The following MRTFB variants were observed in gnomAD, a reference collection of about 807,000 sequenced individuals.
MRTFB encodes the protein myocardin related transcription factor B.
In MRTFB, 29 loss-of-function variants were observed where a neutral mutation model predicts 104.2. The ratio of observed to expected loss-of-function variants is 0.28; its 90% CI spans 0.21 to 0.38. MRTFB has a LOEUF of 0.38. MRTFB is among the 10% of genes least tolerant of loss of function. The probability of loss-of-function intolerance (pLI) is 1.00; values close to 1 mark genes in which losing one functional copy is unlikely to be tolerated. For synonymous variants in MRTFB, 535 were observed against 519.5 expected (o/e 1.03, Z -0.41); for missense variants, 1,270 against 1,341.6 (o/e 0.95, Z 0.83).
intron 8 of MRTFB, among the ~76,000 whole-genome samples, chr16:14,232,109 T>TAC: frequency 6.6e-6 from 1 of 152,342 alleles, no homozygotes; most frequent in Non-Finnish European, 1.5e-5. Context: ...GATTAACACT[T>TAC]ACTGCTCTCA....
In MRTFB at chr16:14,240,425, G is replaced by A; in HGVS notation, c.1020G>A (p.Gln340=). 6.2e-7 allele frequency: 1 copy of A among 1,614,246 alleles called. No homozygotes were observed. Among genetic ancestry groups the A allele is most frequent in the South Asian group, 1.1e-5 (1 of 91,082 alleles). The change falls in exon 10 of 17, where the codon CAG becomes CAA. Residue 340 remains glutamine (Q), a synonymous_variant. Coordinates refer to ENST00000571589, the MANE Select transcript of MRTFB (RefSeq NM_001308142.2). ...LQQQQLFLQL[Q]ILSQQKQHYN... ...AGCAGCAGCTGTTCCTGCAACTGCA[G>A]ATCCTGAGTCAGCAGAAGCAGCACT...
At chr16:14,030,113 G>A in the MRTFB span, among the ~76,000 whole-genome samples, 16 of 152,118 alleles carry the variant, frequency 1.1e-4, no homozygotes, top group African/African-American at 2.9e-4. Flanking sequence ...TGCTGTCTTC[G>A]CAGGGCCTGT....
chr16:14,031,148 T>G, the MRTFB span, among the ~76,000 whole-genome samples: 1 of 152,114 alleles, frequency 6.6e-6, no homozygotes, highest in African/African-American at 2.4e-5. Flanking sequence ...TCCCAGCACT[T>G]TGGATGGCCA....
the MRTFB span, among the ~76,000 whole-genome samples, chr16:14,051,959 C>T: frequency 6.6e-6 from 1 of 152,154 alleles, no homozygotes. Context: ...CGTGAATGTG[C>T]TCTGCTGAGA....
chr16:14,185,676 G>GA (rs549782681), intron 3 of MRTFB, among the ~76,000 whole-genome samples: 2,539 of 135,242 alleles, frequency 0.019, 25 homozygotes, highest in African/African-American at 0.033. Flanking sequence ...AAGTTATTTT[G>GA]AAAAAAAAAA....
intron 16 of MRTFB, among the ~76,000 whole-genome samples, chr16:14,258,478 C>A (rs886874686): frequency 2.6e-5 from 4 of 152,098 alleles, no homozygotes; most frequent in African/African-American, 9.7e-5. Context: ...CCCCTGGGGT[C>A]CCAGCTACTA....
the MRTFB span, among the ~76,000 whole-genome samples, chr16:14,035,782 A>G: frequency 0.13 from 19,353 of 151,992 alleles, 1,373 homozygotes; most frequent in East Asian, 0.34. Flanking sequence ...ATGAGTAACC[A>G]AAGTTCTTTA....
intron 3 of MRTFB, among the ~76,000 whole-genome samples, chr16:14,183,341 T>G (rs1327699642): frequency 6.6e-6 from 1 of 152,100 alleles, no homozygotes; most frequent in African/African-American, 2.4e-5. Context: ...GAAGAAAGAC[T>G]GAGAGAATGT....
chr16:14,252,536 A>G (rs367688766), intron 15 of MRTFB, 34 bp downstream of exon 15: 19 of 1,612,214 alleles, frequency 1.2e-5, no homozygotes, highest in Non-Finnish European at 1.4e-5. Flanking sequence ...GCATAAGGCT[A>G]TGGTGGATGT....
At chr16:14,169,539 A>G (rs2039355997) in intron 3 of MRTFB, among the ~76,000 whole-genome samples, 1 of 152,168 alleles carries the variant, frequency 6.6e-6, no homozygotes, top group South Asian at 2.1e-4. Context: ...ATGTTTTACA[A>G]ATATATTCTC....
At chr16:14,227,254 T>G (rs1324570754) in intron 8 of MRTFB, among the ~76,000 whole-genome samples, 1 of 151,468 alleles carries the variant, frequency 6.6e-6, no homozygotes, top group Non-Finnish European at 1.5e-5. Flanking sequence ...CTCACTGCAT[T>G]AGTTCCCGTG....
chr16:14,261,538 T>G lies in MRTFB; in HGVS notation c.*94T>G, dbSNP rs948592878. On this transcript the variant is annotated 3_prime_UTR_variant, in exon 17 of 17. Transcript: ENST00000571589. The stretch of plus-strand genomic sequence containing the variant: ...AGAGATAGATCTATAGTTGCATTGT[T>G]GCAATCAAAATATGTTGTCACAGAA... 1 of 1,274,890 alleles carries G rather than the reference T, an allele frequency of 7.8e-7. No individual in the cohort carries two copies. The highest frequency in any genetic ancestry group is 1.1e-6 in the Non-Finnish European group (1 of 925,930). The allele number at this position is 1,274,890 out of a possible 1,614,324, so 79.0% of individuals were successfully genotyped here. A position where few individuals can be genotyped will look rare whatever the true frequency, so the allele number is the denominator to read the frequency against.
intron 3 of MRTFB, among the ~76,000 whole-genome samples, chr16:14,175,239 T>C (rs2150986550): frequency 6.6e-6 from 1 of 152,356 alleles, no homozygotes; most frequent in South Asian, 2.1e-4. Flanking sequence ...TGTATGCAAC[T>C]GTGAAACCAT....
intron 2 of MRTFB, among the ~76,000 whole-genome samples, chr16:14,103,771 C>G (rs1013043325): frequency 1.3e-5 from 2 of 152,128 alleles, no homozygotes; most frequent in Non-Finnish European, 2.9e-5. Context: ...TCAGTCCAGC[C>G]AAGGATTGGC....
chr16:14,202,098 A>G (rs1433825575), intron 3 of MRTFB, among the ~76,000 whole-genome samples: 1 of 151,366 alleles, frequency 6.6e-6, no homozygotes, highest in African/African-American at 2.4e-5. Context: ...ATATTTGTAT[A>G]AAATTCTACT....
chr16:14,230,931 C>T (rs1471352709), intron 8 of MRTFB, among the ~76,000 whole-genome samples: 2 of 150,936 alleles, frequency 1.3e-5, no homozygotes, highest in Admixed American at 6.6e-5. Context: ...GGCACATATA[C>T]ACCATGGAAT....
intron 15 of MRTFB, among the ~76,000 whole-genome samples, chr16:14,254,820 C>G (rs1410561907): frequency 1.3e-5 from 2 of 152,298 alleles, no homozygotes; most frequent in South Asian, 4.1e-4. Flanking sequence ...TAACCTATCT[C>G]AAAGGAAAAA....
chr16:14,229,076 A>G (rs2042143418), intron 8 of MRTFB, among the ~76,000 whole-genome samples: 1 of 152,182 alleles, frequency 6.6e-6, no homozygotes, highest in Non-Finnish European at 1.5e-5. Flanking sequence ...TGTTATATAC[A>G]TTTTAGTATA....
intron 2 of MRTFB, among the ~76,000 whole-genome samples, chr16:14,104,730 A>T (rs1310253998): frequency 6.6e-6 from 1 of 152,252 alleles, no homozygotes; most frequent in Non-Finnish European, 1.5e-5. Context: ...TAAATTTTAT[A>T]TGAAATCTTT....
Sources: allele counts gnomAD v4.1 joint callset (sites outside exome capture counted in the v4.1 genomes callset), GRCh38; gene constraint gnomAD v4.1.1; transcripts MANE v1.5; gene names NCBI Gene and HGNC (gene_info 2026-07-23, HGNC 2026-07-21).